The following NEDD4L variants were observed in gnomAD, a reference collection of about 807,000 sequenced individuals.
The protein encoded by NEDD4L is NEDD4 like E3 ubiquitin protein ligase.
A neutral mutation model predicts 148.9 loss-of-function variants in NEDD4L; 54 were observed. The observed-to-expected ratio is 0.36, with a 90% CI of 0.29 to 0.45. The LOEUF is 0.45. Among genes scored for constraint, NEDD4L ranks in the 20% least tolerant of loss-of-function variants. The probability of loss-of-function intolerance (pLI) is 1.00; values close to 1 mark genes in which losing one functional copy is unlikely to be tolerated. For missense variants in NEDD4L, 856 were observed against 1,233.8 expected (o/e 0.69, Z 4.59); for synonymous variants, 433 against 440.7 (o/e 0.98, Z 0.22).
At chr18:58,082,098 ATATATTT>A (rs1258258466) in intron 1 of NEDD4L, among the ~76,000 whole-genome samples, 12 of 73,232 alleles carry the variant, frequency 1.6e-4, no homozygotes, top group African/African-American at 7.6e-4. Flanking sequence ...ATATATATAT[ATATATTT>A]TTTTTTTTTT....
chr18:58,231,313 T>A (rs2045207357), intron 2 of NEDD4L, among the ~76,000 whole-genome samples: 1 of 148,606 alleles, frequency 6.7e-6, no homozygotes, highest in East Asian at 2.0e-4. Context: ...AAGGGAGTGG[T>A]CTAAGTATTC....
At chr18:58,128,771 C>A (rs975534528) in intron 1 of NEDD4L, among the ~76,000 whole-genome samples, 1 of 152,150 alleles carries the variant, frequency 6.6e-6, no homozygotes, top group Non-Finnish European at 1.5e-5. Flanking sequence ...CATTTAAATG[C>A]CTGAAGTGTA....
chr18:58,224,673 T>A (rs1204702219), intron 2 of NEDD4L, among the ~76,000 whole-genome samples: 1 of 152,238 alleles, frequency 6.6e-6, no homozygotes, highest in Non-Finnish European at 1.5e-5. Context: ...TTTAAGTCAC[T>A]TGTCCTGTTC....
intron 6 of NEDD4L, among the ~76,000 whole-genome samples, chr18:58,320,556 G>T (rs776305841): frequency 6.6e-6 from 1 of 152,226 alleles, no homozygotes; most frequent in Non-Finnish European, 1.5e-5. Flanking sequence ...GCTTATACCT[G>T]TAATCCCAGC....
At chr18:58,157,195 A>G (rs908562547) in intron 1 of NEDD4L, among the ~76,000 whole-genome samples, 1 of 151,894 alleles carries the variant, frequency 6.6e-6, no homozygotes, top group Non-Finnish European at 1.5e-5. Context: ...CAAAAAAAAA[A>G]AAAAAAAGAA....
At chr18:58,067,884 T>C (rs1250272455) in intron 1 of NEDD4L, among the ~76,000 whole-genome samples, 1 of 152,088 alleles carries the variant, frequency 6.6e-6, no homozygotes, top group African/African-American at 2.4e-5. Flanking sequence ...TGTGTCGAGG[T>C]TGGGAATTGG....
intron 2 of NEDD4L, among the ~76,000 whole-genome samples, chr18:58,178,730 A>G (rs535674645): frequency 3.9e-5 from 6 of 152,354 alleles, no homozygotes; most frequent in South Asian, 2.1e-4. Flanking sequence ...TCCTTCTGGC[A>G]TAGGAATGTG....
intron 16 of NEDD4L, among the ~76,000 whole-genome samples, chr18:58,348,153 C>T (rs1422037539): frequency 6.6e-6 from 1 of 151,862 alleles, no homozygotes; most frequent in Non-Finnish European, 1.5e-5. Flanking sequence ...TGCACCACCA[C>T]ACTCAGCTAA....
chr18:58,337,272 G>A (rs1468043920), intron 13 of NEDD4L, among the ~76,000 whole-genome samples: 1 of 152,200 alleles, frequency 6.6e-6, no homozygotes, highest in Admixed American at 6.5e-5. Flanking sequence ...TTTGGTAGAT[G>A]TAGATAGATC....
intron 5 of NEDD4L, among the ~76,000 whole-genome samples, chr18:58,292,681 C>G (rs2054942115): frequency 6.6e-6 from 1 of 152,228 alleles, no homozygotes; most frequent in East Asian, 1.9e-4. Flanking sequence ...TATGCCTTTT[C>G]TCATCCCCTT....
At chr18:58,236,489 C>T (rs158862) in intron 2 of NEDD4L, among the ~76,000 whole-genome samples, 77,134 of 152,134 alleles carry the variant, frequency 0.51, 20,184 homozygotes, top group African/African-American at 0.65. Flanking sequence ...GAAGTATTCA[C>T]GGACTGTGGT....
intron 30 of NEDD4L, among the ~76,000 whole-genome samples, chr18:58,395,406 G>A (rs556917105): frequency 3.0e-3 from 464 of 152,248 alleles, no homozygotes; most frequent in Non-Finnish European, 5.2e-3. Context: ...GCACTCATAT[G>A]TGCAGTTTCC....
chr18:58,338,877 C>T (rs966643069), intron 13 of NEDD4L, among the ~76,000 whole-genome samples: 1 of 152,162 alleles, frequency 6.6e-6, no homozygotes, highest in African/African-American at 2.4e-5. Flanking sequence ...GATTGTGCCA[C>T]TGTACTCCAG....
At chr18:58,336,239 G>A (rs2041734431) in intron 13 of NEDD4L, 2 of 152,176 alleles carry the variant, frequency 1.3e-5, no homozygotes, top group Non-Finnish European at 2.9e-5. Flanking sequence ...GATCCCTAAA[G>A]TTAGGCTAGC....
chr18:58,200,258 G>A (rs535639992), intron 2 of NEDD4L, among the ~76,000 whole-genome samples: 4 of 152,290 alleles, frequency 2.6e-5, no homozygotes, highest in African/African-American at 9.6e-5. Context: ...TCATTTCTGG[G>A]TGATGTATTT....
chr18:58,149,440 A>C lies in NEDD4L; in HGVS notation c.49-16348A>C, dbSNP rs1372618128. ...GCAGTGGAAAGTTACCCTTGGCTGC[A>C]GCCACGACTTCCGCATACTCTTCAG... is the stretch of plus-strand genomic sequence containing the variant. On this transcript the variant is annotated intron_variant, in intron 1 of 30. Transcript: ENST00000400345. 5.9e-6 allele frequency: 9 copies of C among 1,530,038 alleles called. No homozygotes were observed. The East Asian group carries it at 2.0e-4, about 34-fold the overall frequency. The allele number at this position is 1,530,038 out of a possible 1,614,324, so 94.8% of individuals were successfully genotyped here. A position where few individuals can be genotyped will look rare whatever the true frequency, so the allele number is the denominator to read the frequency against.
intron 5 of NEDD4L, among the ~76,000 whole-genome samples, chr18:58,280,267 C>G (rs1371112465): frequency 1.3e-5 from 2 of 152,112 alleles, no homozygotes; most frequent in Non-Finnish European, 2.9e-5. Flanking sequence ...CTGTCCAGCG[C>G]ATTCCACTGT....
intron 1 of NEDD4L, among the ~76,000 whole-genome samples, chr18:58,112,267 A>G (rs1051093360): frequency 6.6e-6 from 1 of 152,188 alleles, no homozygotes; most frequent in Non-Finnish European, 1.5e-5. Flanking sequence ...TAAACTTTCA[A>G]GCTTAAACTG....
At chr18:58,085,364 C>T (rs1219838881) in intron 1 of NEDD4L, among the ~76,000 whole-genome samples, 1 of 152,116 alleles carries the variant, frequency 6.6e-6, no homozygotes, top group Non-Finnish European at 1.5e-5. Context: ...ACTTGGTCCT[C>T]TACCCAGCGT....
Sources: gnomAD v4.1 joint callset for allele counts (sites outside exome capture counted in the v4.1 genomes callset) on GRCh38, gnomAD v4.1.1 for gene constraint, MANE v1.5 for transcripts, NCBI Gene and HGNC (gene_info 2026-07-23, HGNC 2026-07-21) for gene names.